Variants in NDUFS4 observed in about 807,000 individuals in gnomAD.
NDUFS4 encodes the protein NADH:ubiquinone oxidoreductase subunit S4.
In NDUFS4, 28 loss-of-function variants were observed where a neutral mutation model predicts 24.3. That is an observed-to-expected ratio of 1.15 (90% confidence interval 0.85 to 1.58). NDUFS4 has a LOEUF of 1.58. NDUFS4 is among the 40% of genes most tolerant of loss of function. The pLI is 0.00. For synonymous variants in NDUFS4, 93 were observed against 69.7 expected (o/e 1.34, Z -1.67); for missense variants, 223 against 207.9 (o/e 1.07, Z -0.45).
chr5:53,622,751 A>G (rs1471298566), intron 2 of NDUFS4, among the ~76,000 whole-genome samples: 2 of 152,176 alleles, frequency 1.3e-5, no homozygotes, highest in Non-Finnish European at 2.9e-5. Context: ...TACATTGCAC[A>G]AAGTTTACCA....
At chr5:53,608,651 G>T (rs565829874) in intron 2 of NDUFS4, among the ~76,000 whole-genome samples, 1 of 152,312 alleles carries the variant, frequency 6.6e-6, no homozygotes, top group Non-Finnish European at 1.5e-5. Flanking sequence ...GTTTAATCAT[G>T]AGATTGTAGC....
chr5:53,635,002 C>A (rs1280647211), intron 2 of NDUFS4, among the ~76,000 whole-genome samples: 1 of 151,826 alleles, frequency 6.6e-6, no homozygotes, highest in East Asian at 1.9e-4. Context: ...CCAGCCTGGC[C>A]AACATGGTGA....
At chr5:53,670,565 GCTCACATATTT>G (rs1752636963) in intron 4 of NDUFS4, among the ~76,000 whole-genome samples, 1 of 150,866 alleles carries the variant, frequency 6.6e-6, no homozygotes, top group African/African-American at 2.4e-5. Flanking sequence ...CTTATGTATG[GCTCACATATTT>G]CTACTGAACA....
At chr5:53,676,740 G>A (rs1009888756) in intron 4 of NDUFS4, among the ~76,000 whole-genome samples, 1 of 152,094 alleles carries the variant, frequency 6.6e-6, no homozygotes, top group Non-Finnish European at 1.5e-5. Context: ...TGTATGTTAC[G>A]GGACTCAAAT....
chr5:53,598,624 T>C (rs1232253194), intron 1 of NDUFS4, among the ~76,000 whole-genome samples: 1 of 152,132 alleles, frequency 6.6e-6, no homozygotes, highest in Non-Finnish European at 1.5e-5. Flanking sequence ...TATAAATAAA[T>C]ATACTGATAA....
chr5:53,584,507 T>C (rs1749676889), intron 1 of NDUFS4, among the ~76,000 whole-genome samples: 1 of 150,878 alleles, frequency 6.6e-6, no homozygotes, highest in Non-Finnish European at 1.5e-5. Context: ...GCCCGGCTAA[T>C]TTTTGTATTT....
chr5:53,591,135 T>G (rs1003125685), intron 1 of NDUFS4, among the ~76,000 whole-genome samples: 1 of 152,262 alleles, frequency 6.6e-6, no homozygotes, highest in Non-Finnish European at 1.5e-5. Context: ...AAAATAATAT[T>G]CAATTGTATG....
rs1237349506 is a variant in NDUFS4, at chr5:53,637,763, C to T, written c.178-8470C>T. Among the ~76,000 whole-genome samples the T allele has an allele frequency of 5.3e-5, 8 of 152,156 alleles. No individual in the cohort carries two copies. The South Asian group carries it at 1.2e-3, about 24-fold the overall frequency. ...TGCTTGATTTTGATGAGCAGTTTCA[C>T]GAACCCATTAGTTTCTTCATTCGAG... On this transcript the variant is annotated intron_variant, in intron 2 of 4. Coordinates refer to ENST00000296684, the MANE Select transcript of NDUFS4 (RefSeq NM_002495.4).
At chr5:53,630,470 G>T (rs934257357) in intron 2 of NDUFS4, among the ~76,000 whole-genome samples, 25 of 152,142 alleles carry the variant, frequency 1.6e-4, no homozygotes, top group African/African-American at 6.0e-4. Flanking sequence ...ATCCTGAAGA[G>T]TGTTTTCCAA....
At chr5:53,619,450 G>T (rs1382319872) in intron 2 of NDUFS4, among the ~76,000 whole-genome samples, 1 of 123,042 alleles carries the variant, frequency 8.1e-6, no homozygotes, top group African/African-American at 3.3e-5. Context: ...TGGCGCCACT[G>T]CACTCCAGCC....
intron 2 of NDUFS4, among the ~76,000 whole-genome samples, chr5:53,631,982 C>T (rs1281137773): frequency 1.3e-5 from 2 of 152,168 alleles, no homozygotes; most frequent in Admixed American, 6.5e-5. Flanking sequence ...CGACCCCTTG[C>T]ACTTCCCTGG....
chr5:53,588,494 A>G (rs1749841806), intron 1 of NDUFS4, among the ~76,000 whole-genome samples: 1 of 152,208 alleles, frequency 6.6e-6, no homozygotes, highest in South Asian at 2.1e-4. Flanking sequence ...GTTCAAGATC[A>G]TATTGCTCTT....
chr5:53,574,641 A>G (rs982896041), intron 1 of NDUFS4, among the ~76,000 whole-genome samples: 1 of 152,166 alleles, frequency 6.6e-6, no homozygotes, highest in African/African-American at 2.4e-5. Context: ...TTCATGCTAC[A>G]AATTAAGATA....
intron 4 of NDUFS4, among the ~76,000 whole-genome samples, chr5:53,668,638 T>A (rs1402419677): frequency 1.4e-5 from 2 of 140,500 alleles, no homozygotes; most frequent in African/African-American, 2.5e-5. Flanking sequence ...TTTTTTTTTT[T>A]AAAGTAGAGA....
chr5:53,657,167 T>C (rs768083046), intron 3 of NDUFS4, among the ~76,000 whole-genome samples: 15 of 152,214 alleles, frequency 9.9e-5, no homozygotes, highest in South Asian at 2.1e-4. Flanking sequence ...TCAACACTTA[T>C]CAGATTACTG....
At chr5:53,563,949 G>A (rs1260773517) in intron 1 of NDUFS4, among the ~76,000 whole-genome samples, 2 of 152,208 alleles carry the variant, frequency 1.3e-5, no homozygotes, top group Admixed American at 6.5e-5. Flanking sequence ...ATGCAGTGAT[G>A]TTTTTATTCA....
intron 4 of NDUFS4, among the ~76,000 whole-genome samples, chr5:53,659,828 C>T (rs904681458): frequency 1.3e-5 from 2 of 152,026 alleles, no homozygotes; most frequent in Admixed American, 6.6e-5. Context: ...CTGAAGTCAA[C>T]CTATCTGCCT....
intron 2 of NDUFS4, among the ~76,000 whole-genome samples, chr5:53,624,446 A>G (rs1270548776): frequency 3.9e-5 from 6 of 152,208 alleles, no homozygotes; most frequent in Admixed American, 2.6e-4. Flanking sequence ...TCATCTTAAC[A>G]ATACTGATGT....
chr5:53,572,203 T>C (rs1205015025), intron 1 of NDUFS4, among the ~76,000 whole-genome samples: 1 of 152,224 alleles, frequency 6.6e-6, no homozygotes, highest in Non-Finnish European at 1.5e-5. Context: ...AGCCAGTTTG[T>C]TCTGATTCGT....
Sources: allele counts gnomAD v4.1 joint callset (sites outside exome capture counted in the v4.1 genomes callset), GRCh38; gene constraint gnomAD v4.1.1; transcripts MANE v1.5; gene names NCBI Gene and HGNC (gene_info 2026-07-23, HGNC 2026-07-21).